Variants in PLCB4 observed in about 807,000 individuals in gnomAD.
The protein encoded by PLCB4 is 1-phosphatidylinositol 4,5-bisphosphate phosphodiesterase beta-4.
Under a neutral mutation model 178.8 loss-of-function variants are expected in PLCB4, and 77 were observed. That is an observed-to-expected ratio of 0.43 (90% CI 0.36 to 0.52). The LOEUF (loss-of-function observed/expected upper bound fraction) is 0.52, where lower values mean the gene tolerates loss of function less well. Among genes scored for constraint, PLCB4 ranks in the 20% least tolerant of loss-of-function variants. PLCB4 has a pLI of 0.00. For synonymous variants in PLCB4, 496 were observed against 490.8 expected (o/e 1.01, Z -0.14); for missense variants, 1,024 against 1,453.4 (o/e 0.70, Z 4.80).
At chr20:9,463,484 G>C (rs2043540246) in intron 35 of PLCB4, among the ~76,000 whole-genome samples, 1 of 149,840 alleles carries the variant, frequency 6.7e-6, no homozygotes, top group Admixed American at 6.8e-5. Flanking sequence ...ACTGGATTAA[G>C]AGTCAAGACC....
At chr20:9,165,408 C>T (rs2092952993) in intron 2 of PLCB4, among the ~76,000 whole-genome samples, 1 of 152,106 alleles carries the variant, frequency 6.6e-6, no homozygotes, top group African/African-American at 2.4e-5. Flanking sequence ...AATGATTTTA[C>T]CAAGTGCGTT....
intron 2 of PLCB4, among the ~76,000 whole-genome samples, chr20:9,169,900 T>G (rs1202311366): frequency 5.9e-5 from 9 of 152,208 alleles, no homozygotes; most frequent in Admixed American, 5.9e-4. Context: ...GTCTTATTTT[T>G]GATGGATTTA....
At chr20:9,317,313 G>GT (rs1313984548) in intron 4 of PLCB4, among the ~76,000 whole-genome samples, 1 of 152,018 alleles carries the variant, frequency 6.6e-6, no homozygotes, top group African/African-American at 2.4e-5. Context: ...ATAGATCATT[G>GT]TATCAGTTTA....
intron 12 of PLCB4, among the ~76,000 whole-genome samples, chr20:9,379,383 C>T (rs1260852347): frequency 1.3e-5 from 2 of 152,068 alleles, no homozygotes; most frequent in Admixed American, 6.6e-5. Context: ...TCTTAAGTCC[C>T]GTAATCATTC....
chr20:9,358,691 T>C (rs1246436893), intron 7 of PLCB4, among the ~76,000 whole-genome samples: 1 of 151,880 alleles, frequency 6.6e-6, no homozygotes, highest in African/African-American at 2.4e-5. Context: ...GGTCAGGAGT[T>C]CAACACACCC....
chr20:9,105,168 A>G (rs1388069430), intron 2 of PLCB4, among the ~76,000 whole-genome samples: 1 of 152,126 alleles, frequency 6.6e-6, no homozygotes, highest in Non-Finnish European at 1.5e-5. Flanking sequence ...CTAAATAAGT[A>G]AAAATTGATG....
At chr20:9,452,877 C>T (rs1486603073) in intron 32 of PLCB4, among the ~76,000 whole-genome samples, 1 of 152,144 alleles carries the variant, frequency 6.6e-6, no homozygotes, top group African/African-American at 2.4e-5. Flanking sequence ...CCAAAATGTG[C>T]AGGTGTTTAG....
At chr20:9,242,891 C>T (rs551021171) in intron 3 of PLCB4, among the ~76,000 whole-genome samples, 1 of 152,122 alleles carries the variant, frequency 6.6e-6, no homozygotes, top group African/African-American at 2.4e-5. Context: ...GATGCGTGCT[C>T]AATTTGGAGG....
chr20:9,320,398 C>T (rs2094946910), intron 4 of PLCB4, among the ~76,000 whole-genome samples: 1 of 152,090 alleles, frequency 6.6e-6, no homozygotes, highest in Non-Finnish European at 1.5e-5. Context: ...TTCTTCTAGC[C>T]ATCCTAGTTT....
intron 1 of PLCB4, among the ~76,000 whole-genome samples, chr20:9,074,544 T>G (rs2089738707): frequency 1.3e-5 from 2 of 152,052 alleles, no homozygotes; most frequent in South Asian, 4.2e-4. Context: ...CTGAGAAAAT[T>G]CCTATAAAAT....
At chr20:9,183,478 A>T (rs2093280930) in intron 2 of PLCB4, among the ~76,000 whole-genome samples, 1 of 152,192 alleles carries the variant, frequency 6.6e-6, no homozygotes, top group African/African-American at 2.4e-5. Context: ...CACCACACAT[A>T]AGAAAGAAGA....
chr20:9,118,245 C>A (rs1346730458), intron 2 of PLCB4, among the ~76,000 whole-genome samples: 1 of 123,276 alleles, frequency 8.1e-6, no homozygotes, highest in African/African-American at 3.1e-5. Context: ...CCACAGTCCC[C>A]AGAGTGTGAT....
chr20:9,114,448 G>C (rs939882377), intron 2 of PLCB4, among the ~76,000 whole-genome samples: 1 of 152,144 alleles, frequency 6.6e-6, no homozygotes, highest in Admixed American at 6.5e-5. Flanking sequence ...GAGGATTAGA[G>C]ATGAGTATGA....
At chr20:9,138,643 A>G (rs1483720866) in intron 2 of PLCB4, among the ~76,000 whole-genome samples, 1 of 152,014 alleles carries the variant, frequency 6.6e-6, no homozygotes, top group Non-Finnish European at 1.5e-5. Context: ...AATATGGTGG[A>G]TTGCCTTTTC....
At position 9,154,227 on chromosome 20, in the gene PLCB4, C is replaced by A. The variant is rs1419003552; in HGVS notation, c.-79+57885C>A. Among the ~76,000 whole-genome samples, 104 of 152,234 alleles carry A rather than the reference C, an allele frequency of 6.8e-4. 1 individual carries two copies. The highest frequency in any genetic ancestry group is 2.2e-3 in the African/African-American group (92 of 41,518). On this transcript the variant is annotated intron_variant, in intron 2 of 39. Coordinates refer to ENST00000378473, the MANE Select transcript of PLCB4 (RefSeq NM_001377142.1). Reference sequence around the variant, plus strand: ...ATTTTTGTCATCTTACTCTTAAGTTCCATATAACACTTTAAAAAAATTTTT... The same window carrying A: ...ATTTTTGTCATCTTACTCTTAAGTTACATATAACACTTTAAAAAAATTTTT...
chr20:9,209,050 C>G (rs924370265), intron 2 of PLCB4, among the ~76,000 whole-genome samples: 2 of 152,128 alleles, frequency 1.3e-5, no homozygotes, highest in Non-Finnish European at 2.9e-5. Flanking sequence ...ATTTTTGGTC[C>G]TTCTAGGTAC....
chr20:9,395,255 T>A (rs2038479830), intron 18 of PLCB4, among the ~76,000 whole-genome samples: 1 of 152,180 alleles, frequency 6.6e-6, no homozygotes, highest in Non-Finnish European at 1.5e-5. Context: ...TCAAACTTGG[T>A]GACCAGAATT....
At position 9,184,416 on chromosome 20, in the gene PLCB4, C is replaced by T. The variant is rs141955277; in HGVS notation, c.-78-32974C>T. On this transcript the variant is annotated intron_variant, in intron 2 of 39. Transcript: ENST00000378473. ...TTAAAGTTCCAGGTGAAACCCCCAG[C>T]ATGGTGGACACTGTGTCGTGATGTC... 3.6e-3 allele frequency among the ~76,000 whole-genome samples: 549 copies of T among 152,260 alleles called. 6 individuals are homozygous for T. The highest frequency in any genetic ancestry group is 0.013 in the African/African-American group (520 of 41,558).
At chr20:9,253,711 A>T (rs2094205009) in intron 3 of PLCB4, among the ~76,000 whole-genome samples, 1 of 152,210 alleles carries the variant, frequency 6.6e-6, no homozygotes, top group African/African-American at 2.4e-5. Context: ...CTGTGAGGCC[A>T]AACTTAGATG....
Sources: allele counts gnomAD v4.1 joint callset (sites outside exome capture counted in the v4.1 genomes callset), GRCh38; gene constraint gnomAD v4.1.1; transcripts MANE v1.5; gene names NCBI Gene and HGNC (gene_info 2026-07-23, HGNC 2026-07-21).